The following USP22 variants were observed in gnomAD, a reference collection of about 807,000 sequenced individuals.
USP22 encodes the protein ubiquitin carboxyl-terminal hydrolase 22.
USP22 carries 22 observed loss-of-function variants against 68.1 expected under a neutral mutation model. The ratio of observed to expected loss-of-function variants is 0.32; its 90% CI spans 0.23 to 0.46. The LOEUF (loss-of-function observed/expected upper bound fraction) is 0.46. USP22 is among the 20% of genes least tolerant of loss of function. The probability of loss-of-function intolerance (pLI) is 1.00; values close to 1 mark genes in which losing one functional copy is unlikely to be tolerated. For synonymous variants in USP22, 279 were observed against 274.2 expected (o/e 1.02, Z -0.17); for missense variants, 433 against 695.8 (o/e 0.62, Z 4.25).
At chr17:21,015,713 C>T in intron 6 of USP22, 39 bp downstream of exon 6, 1 of 1,573,544 alleles carries the variant, frequency 6.4e-7, no homozygotes, top group Non-Finnish European at 8.6e-7. Context: ...TCAAGGAAAA[C>T]ATCCTGCCCT....
At chr17:21,017,465 CGCCACACGTGCA>C (rs1972101858) in intron 5 of USP22, among the ~76,000 whole-genome samples, 1 of 152,226 alleles carries the variant, frequency 6.6e-6, no homozygotes, top group African/African-American at 2.4e-5. Flanking sequence ...TGGACAGGAA[CGCCACACGTGCA>C]GCCCACAGGA....
chr17:21,026,811 T>C (rs1437614701), intron 2 of USP22, among the ~76,000 whole-genome samples: 2 of 151,278 alleles, frequency 1.3e-5, no homozygotes, highest in Admixed American at 1.3e-4. Flanking sequence ...CAATTTTTTT[T>C]TTTTTTTTGA....
At chr17:21,016,453 G>A (rs952702349) in intron 5 of USP22, among the ~76,000 whole-genome samples, 2 of 152,326 alleles carry the variant, frequency 1.3e-5, no homozygotes, top group African/African-American at 4.8e-5. Context: ...CCCACAGAGG[G>A]GTCTTGCCTG....
At chr17:21,030,309 T>C (rs373705265) in intron 1 of USP22, among the ~76,000 whole-genome samples, 210 of 152,260 alleles carry the variant, frequency 1.4e-3, no homozygotes, top group African/African-American at 4.6e-3. Flanking sequence ...ATCCCTTTTT[T>C]CCCCCAAATA....
At chr17:21,007,832 T>C (rs1913825398) in intron 9 of USP22, 38 bp downstream of exon 9, 1 of 1,613,902 alleles carries the variant, frequency 6.2e-7, no homozygotes. Context: ...GACTAAAAAC[T>C]AAGTCTGCCA....
At position 21,013,070 on chromosome 17, in the gene USP22, ATTTTAGCAGAGGG is replaced by A. The variant is rs1260655264; in HGVS notation, c.839-148_839-136del. The stretch of plus-strand genomic sequence containing the variant: ...AAAAGGCCATGTGAGGACACTCCTC[ATTTTAGCAGAGGG>A]TGTCCTTGTTATTTTAATATGACGA... On this transcript the variant is annotated intron_variant, in intron 6 of 12. Transcript: ENST00000261497. 9 of 650,550 alleles carry A rather than the reference ATTTTAGCAGAGGG, an allele frequency of 1.4e-5. No homozygotes were observed. In the Admixed American group the frequency reaches 1.4e-4, roughly 10 times the overall value. The allele number at this position is 650,550 out of a possible 1,614,324, so 40.3% of individuals were successfully genotyped here. A position where few individuals can be genotyped will look rare whatever the true frequency, so the allele number is the denominator to read the frequency against.
At chr17:21,015,959 T>C in intron 5 of USP22, 60 bp from the exon 6 acceptor site, 1 of 1,566,388 alleles carries the variant, frequency 6.4e-7, no homozygotes, top group East Asian at 2.3e-5. Context: ...GAACACAGAG[T>C]ACACACAATC....
intron 10 of USP22, among the ~76,000 whole-genome samples, chr17:21,005,897 A>G (rs2364333): frequency 0.75 from 113,545 of 152,128 alleles, 42,829 homozygotes; most frequent in South Asian, 0.82. Flanking sequence ...TGATCTGCCT[A>G]GGTCCTAAAG....
chr17:21,006,542 G>A (rs1913786720), intron 10 of USP22: 1 of 140,972 alleles, frequency 7.1e-6, no homozygotes, highest in South Asian at 2.2e-4. Flanking sequence ...GTCTCGTTCT[G>A]TCACCAGGCT....
At chr17:21,011,075 C>T in intron 8 of USP22, 76 bp downstream of exon 8, 1 of 1,504,874 alleles carries the variant, frequency 6.6e-7, no homozygotes, top group Non-Finnish European at 8.9e-7. Context: ...TGTGAAAGAG[C>T]CCTGCTTTGG....
chr17:21,024,584 G>A (rs1022813682), intron 2 of USP22, among the ~76,000 whole-genome samples: 5 of 152,286 alleles, frequency 3.3e-5, no homozygotes, highest in East Asian at 3.9e-4. Flanking sequence ...TATAAAACTC[G>A]TAGAAGAAAA....
At chr17:21,016,433 C>G (rs973457771) in intron 5 of USP22, among the ~76,000 whole-genome samples, 3 of 152,254 alleles carry the variant, frequency 2.0e-5, no homozygotes, top group Non-Finnish European at 2.9e-5. Context: ...GCTTCCTCCC[C>G]AGGTCAGAAC....
At chr17:21,030,448 T>C (rs114623921) in intron 1 of USP22, among the ~76,000 whole-genome samples, 12 of 152,264 alleles carry the variant, frequency 7.9e-5, no homozygotes, top group African/African-American at 2.2e-4. Context: ...GCAATAGATA[T>C]ATACAGTTTC....
intron 1 of USP22, among the ~76,000 whole-genome samples, chr17:21,041,413 C>A (rs1232059475): frequency 6.6e-6 from 1 of 151,806 alleles, no homozygotes; most frequent in Non-Finnish European, 1.5e-5. Flanking sequence ...GCCTGGCCAA[C>A]ATGGTGAAAC....
chr17:21,042,434 G>C (rs1340854643), intron 1 of USP22, among the ~76,000 whole-genome samples: 3 of 143,276 alleles, frequency 2.1e-5, no homozygotes, highest in Non-Finnish European at 3.0e-5. Flanking sequence ...GGGAAGGGGG[G>C]AGAGGGGAAG....
chr17:21,017,820 A>G, intron 5 of USP22, 122 bp downstream of exon 5: 3 of 1,263,196 alleles, frequency 2.4e-6, no homozygotes, highest in Non-Finnish European at 3.2e-6. Flanking sequence ...TATATTAAAC[A>G]TTAACTTACT....
chr17:21,014,079 A>C (rs1425408174), intron 6 of USP22, among the ~76,000 whole-genome samples: 1 of 152,158 alleles, frequency 6.6e-6, no homozygotes, highest in African/African-American at 2.4e-5. Flanking sequence ...ACTCAAAAAC[A>C]AAACAAAACA....
Position 21,000,079 on chromosome 17 carries a change from C to A in USP22, c.*2952G>T, listed in dbSNP as rs1004673440. On this transcript the variant is annotated 3_prime_UTR_variant, in exon 13 of 13. Transcript: ENST00000261497. ...AGGCCATGTGTCTTCCTGGGAGGCA[C>A]TGAAAGGCCAGCCAGCATCTCCAAA... 1.3e-5 allele frequency: 2 copies of A among 152,234 alleles called. No individual in the cohort carries two copies. Among genetic ancestry groups the A allele is most frequent in the African/African-American group, 4.8e-5 (2 of 41,456 alleles). 9.4% of individuals were successfully genotyped at this position (152,234 alleles called of 1,614,324 possible). A position where few individuals can be genotyped will look rare whatever the true frequency, so the allele number is the denominator to read the frequency against.
At chr17:21,005,888 G>C (rs115905380) in intron 10 of USP22, among the ~76,000 whole-genome samples, 2,615 of 152,280 alleles carry the variant, frequency 0.017, 62 homozygotes, top group African/African-American at 0.058. Flanking sequence ...CCTCCTGGAT[G>C]ATCTGCCTAG....
Sources: gnomAD v4.1 joint callset for allele counts (sites outside exome capture counted in the v4.1 genomes callset) on GRCh38, gnomAD v4.1.1 for gene constraint, MANE v1.5 for transcripts, NCBI Gene and HGNC (gene_info 2026-07-23, HGNC 2026-07-21) for gene names.